RMST: variants seen among roughly 807,000 people sequenced by gnomAD.
The protein encoded by RMST is long intergenic non-protein coding RNA 54.
chr12:97,505,914 ATC>A (rs1387378061), intron 10 of RMST, among the ~76,000 whole-genome samples: 1 of 152,224 alleles, frequency 6.6e-6, no homozygotes, highest in Non-Finnish European at 1.5e-5. Context: ...CCAGTTTATT[ATC>A]TTATACATTG....
intron 11 of RMST, among the ~76,000 whole-genome samples, chr12:97,554,993 A>G (rs1461941014): frequency 6.6e-6 from 1 of 152,180 alleles, no homozygotes; most frequent in Non-Finnish European, 1.5e-5. Context: ...AGAGAAGAGT[A>G]AATAGGCTTG....
intron 11 of RMST, among the ~76,000 whole-genome samples, chr12:97,543,534 T>C (rs1882712752): frequency 6.6e-6 from 1 of 152,024 alleles, no homozygotes; most frequent in African/African-American, 2.4e-5. Context: ...TCATATTTAA[T>C]TCCCTTCCCT....
At chr12:97,545,267 A>G (rs2136633787) in intron 11 of RMST, among the ~76,000 whole-genome samples, 1 of 152,206 alleles carries the variant, frequency 6.6e-6, no homozygotes, top group Middle Eastern at 3.4e-3. Context: ...ACCAACATTT[A>G]TGGAGTAGTT....
chr12:97,475,252 G>A (rs1020415838), intron 5 of RMST, among the ~76,000 whole-genome samples: 1 of 152,102 alleles, frequency 6.6e-6, no homozygotes, highest in Non-Finnish European at 1.5e-5. Flanking sequence ...TGTGATTTGA[G>A]GGCATTGGAA....
chr12:97,514,631 T>C (rs1214446950), intron 10 of RMST, among the ~76,000 whole-genome samples: 1 of 152,132 alleles, frequency 6.6e-6, no homozygotes, highest in Non-Finnish European at 1.5e-5. Context: ...AACAATTCAT[T>C]GCATTAAATG....
intron 11 of RMST, chr12:97,533,844 G>A (rs980171180): frequency 1.3e-5 from 2 of 151,772 alleles, no homozygotes; most frequent in African/African-American, 2.4e-5. Flanking sequence ...GCATTATAGT[G>A]TAAAAATTAA....
At chr12:97,530,463 C>A (rs1383127437) in intron 10 of RMST, 1 of 151,974 alleles carries the variant, frequency 6.6e-6, no homozygotes, top group African/African-American at 2.4e-5. Flanking sequence ...GCATGTCTTC[C>A]TGATAACCAG....
At chr12:97,552,098 C>T (rs1205928411) in intron 11 of RMST, 1 of 152,232 alleles carries the variant, frequency 6.6e-6, no homozygotes, top group South Asian at 2.1e-4. Flanking sequence ...TTACCTGCTT[C>T]GATTGCTGTA....
intron 5 of RMST, chr12:97,491,505 G>GT (rs1456927976): frequency 5.9e-6 from 1 of 168,918 alleles, no homozygotes; most frequent in Non-Finnish European, 1.3e-5. Flanking sequence ...TTGTGTGTGT[G>GT]TGTGATCACA....
chr12:97,511,296 G>A (rs537708578), intron 10 of RMST, among the ~76,000 whole-genome samples: 4 of 152,026 alleles, frequency 2.6e-5, no homozygotes, highest in South Asian at 2.1e-4. Context: ...CTACAGGCAC[G>A]TGCCACTACA....
chr12:97,463,493 CT>C (rs1872818640), intron 4 of RMST, among the ~76,000 whole-genome samples: 1 of 152,146 alleles, frequency 6.6e-6, no homozygotes, highest in Non-Finnish European at 1.5e-5. Flanking sequence ...GAAGGGTGAG[CT>C]GCTTTTTGTG....
intron 10 of RMST, among the ~76,000 whole-genome samples, chr12:97,509,128 G>A (rs921956076): frequency 6.6e-6 from 1 of 152,158 alleles, no homozygotes; most frequent in Admixed American, 6.5e-5. Flanking sequence ...TGTTTCAACA[G>A]CTGTGTTACC....
At chr12:97,545,490 A>T (rs1452125977) in intron 11 of RMST, among the ~76,000 whole-genome samples, 1 of 152,098 alleles carries the variant, frequency 6.6e-6, no homozygotes, top group Non-Finnish European at 1.5e-5. Flanking sequence ...TCCCACCCTC[A>T]GAGAACAATT....
chr12:97,505,676 T>A (rs973009094), intron 10 of RMST, among the ~76,000 whole-genome samples: 1 of 152,206 alleles, frequency 6.6e-6, no homozygotes, highest in African/African-American at 2.4e-5. Flanking sequence ...GTGGCTTCTG[T>A]TTTACTAAGA....
chr12:97,499,976 C>T (rs981758007), intron 10 of RMST, among the ~76,000 whole-genome samples: 4 of 152,098 alleles, frequency 2.6e-5, no homozygotes, highest in Admixed American at 1.3e-4. Context: ...TCTTTTTACT[C>T]ATTACAACTA....
rs184334955 is a variant in RMST, at chr12:97,550,252, T to C, written n.1546-10285T>C. On this transcript the variant is annotated intron_variant and non_coding_transcript_variant, in intron 11 of 13. Transcript: ENST00000640149. Reference sequence around the variant, plus strand: ...ACTAAAAATACAAAAATTAGCTGGGTGTGATAGCACATGCCTGTAGTCCCA... The same window carrying C: ...ACTAAAAATACAAAAATTAGCTGGGCGTGATAGCACATGCCTGTAGTCCCA... Among the ~76,000 whole-genome samples the C allele has an allele frequency of 9.2e-5, 14 of 152,196 alleles. No homozygotes were observed. The East Asian group carries it at 2.7e-3, about 29-fold the overall frequency.
intron 11 of RMST, among the ~76,000 whole-genome samples, chr12:97,538,839 A>G (rs1882291993): frequency 6.6e-6 from 1 of 151,386 alleles, no homozygotes; most frequent in Non-Finnish European, 1.5e-5. Flanking sequence ...CAGAATTACA[A>G]TGGAGTCTCA....
intron 11 of RMST, among the ~76,000 whole-genome samples, chr12:97,531,566 A>T (rs1881628166): frequency 6.6e-6 from 1 of 151,986 alleles, no homozygotes; most frequent in African/African-American, 2.4e-5. Context: ...TTGATGAGGA[A>T]GGGCATGTGC....
chr12:97,561,378 T>C (rs1422523384), intron 13 of RMST, among the ~76,000 whole-genome samples: 6 of 152,184 alleles, frequency 3.9e-5, no homozygotes, highest in African/African-American at 1.4e-4. Flanking sequence ...GTCTTCTCTC[T>C]GTTGTGAACG....
Sources: gnomAD v4.1 joint callset for allele counts (sites outside exome capture counted in the v4.1 genomes callset) on GRCh38, gnomAD v4.1.1 for gene constraint, MANE v1.5 for transcripts, NCBI Gene and HGNC (gene_info 2026-07-23, HGNC 2026-07-21) for gene names.